TTC3: variants seen among roughly 807,000 people sequenced by gnomAD.
The protein encoded by TTC3 is tetratricopeptide repeat domain 3.
In TTC3, 180 loss-of-function variants were observed where a neutral mutation model predicts 249.6. The ratio of observed to expected loss-of-function variants is 0.72; its 90% CI spans 0.64 to 0.82. The LOEUF is 0.82. TTC3 is among the 40% of genes least tolerant of loss of function. The probability of loss-of-function intolerance (pLI) is 0.00; values close to 1 mark genes in which losing one functional copy is unlikely to be tolerated. For missense variants in TTC3, 2,061 were observed against 2,398.4 expected (o/e 0.86, Z 2.94); for synonymous variants, 717 against 805.0 (o/e 0.89, Z 1.85).
rs777220390 is a variant in TTC3 at position 37,197,712 on chromosome 21, G to A, written c.5706+16G>A. 15 of 1,567,302 alleles carry A rather than the reference G, an allele frequency of 9.6e-6. No homozygotes were observed. Among genetic ancestry groups the A allele is most frequent in the Non-Finnish European group, 2.6e-6 (3 of 1,154,306 alleles). ...AAAGAAAAAGGTATTTTATCTAGATGTTCCAGTTTATCCTTATTTATTTAT... is the reference window on the plus strand; with the variant it reads ...AAAGAAAAAGGTATTTTATCTAGATATTCCAGTTTATCCTTATTTATTTAT... On this transcript the variant is annotated intron_variant, in intron 43 of 45. Transcript: ENST00000355666.
At chr21:37,188,742 T>G in intron 39 of TTC3, 147 bp downstream of exon 39, 2 of 483,884 alleles carry the variant, frequency 4.1e-6, no homozygotes, top group Non-Finnish European at 7.2e-6. Flanking sequence ...AGTTAAGACA[T>G]ACAAACAAAA....
chr21:37,145,310 C>T (rs1004352453), intron 21 of TTC3, among the ~76,000 whole-genome samples: 1 of 152,112 alleles, frequency 6.6e-6, no homozygotes. Flanking sequence ...GACAAATAAT[C>T]TAAGAAGTAG....
intron 11 of TTC3, among the ~76,000 whole-genome samples, chr21:37,119,998 C>T (rs1250054891): frequency 6.6e-6 from 1 of 152,100 alleles, no homozygotes; most frequent in Non-Finnish European, 1.5e-5. Context: ...AGTCATGTGC[C>T]CACCTGTGGA....
intron 1 of TTC3, chr21:37,086,167 G>A (rs986922823): frequency 2.6e-5 from 4 of 152,208 alleles, no homozygotes; most frequent in Admixed American, 1.3e-4. Flanking sequence ...GACATCATGA[G>A]ATGGATTGAT....
intron 20 of TTC3, among the ~76,000 whole-genome samples, chr21:37,141,869 C>T (rs553413667): frequency 6.6e-5 from 10 of 152,180 alleles, no homozygotes; most frequent in Admixed American, 2.0e-4. Flanking sequence ...ACTGGCAAAC[C>T]GAATCCAGCA....
Position 37,091,527 on chromosome 21 carries a change from A to G in TTC3, c.601+114A>G, listed in dbSNP as rs541592976. 97 of 672,494 alleles carry G rather than the reference A, an allele frequency of 1.4e-4. No homozygotes were observed. The East Asian group carries it at 4.2e-3, about 29-fold the overall frequency. The allele number at this position is 672,494 out of a possible 1,614,324, so 41.7% of individuals were successfully genotyped here. On this transcript the variant is annotated intron_variant, in intron 7 of 45. Transcript: ENST00000355666. ...ATCTTAGAATTTAAAAAAAGTTTTT[A>G]TTTTGTTATATATGGCTGAAAAAGA...
intron 34 of TTC3, 46 bp from the exon 35 acceptor site, chr21:37,172,549 G>C: frequency 6.4e-7 from 1 of 1,566,354 alleles, no homozygotes; most frequent in Non-Finnish European, 8.6e-7. Flanking sequence ...TCATAAGTAG[G>C]CATTTTAAAT....
At chr21:37,113,426 C>T (rs916859118) in intron 11 of TTC3, among the ~76,000 whole-genome samples, 3 of 152,136 alleles carry the variant, frequency 2.0e-5, no homozygotes, top group Admixed American at 1.3e-4. Flanking sequence ...GAGTGAACTC[C>T]CATTCGCTAT....
chr21:37,161,932 C>T (rs57522570), intron 30 of TTC3, 58 bp from the exon 31 acceptor site: 1,233,629 of 1,233,634 alleles, frequency 1, 616,812 homozygotes, highest in Middle Eastern at 1. Flanking sequence ...AATGATTTTT[C>T]TCTTTAATGG....
exon 31 of TTC3, chr21:37,162,006 C>G (rs377155188): frequency 7.8e-5 from 124 of 1,590,504 alleles, no homozygotes; most frequent in Non-Finnish European, 1.1e-4. Flanking sequence ...TTAGTTGGGT[C>G]TGGAACAACT....
chr21:37,164,871 TCTC>T lies in TTC3; in HGVS notation c.3335+659_3335+661del, dbSNP rs144827348. ...GAGTATTAATTTAAAAGCCAACTCT[TCTC>T]CTGGAAGTCCTGTCAGTAGCATATC... On this transcript the variant is annotated intron_variant, in intron 32 of 45. Transcript: ENST00000355666. 7.7e-3 allele frequency among the ~76,000 whole-genome samples: 1,172 copies of T among 152,288 alleles called. 13 individuals are homozygous for T. Among genetic ancestry groups the T allele is most frequent in the Non-Finnish European group, 0.011 (778 of 68,012 alleles).
At chr21:37,180,107 C>A (rs916477948) in intron 35 of TTC3, among the ~76,000 whole-genome samples, 9 of 152,174 alleles carry the variant, frequency 5.9e-5, no homozygotes, top group South Asian at 2.1e-4. Context: ...TCTGCAGCAT[C>A]CTCTTCTTGA....
intron 45 of TTC3, 25 bp downstream of exon 45, chr21:37,200,349 T>C (rs1278301263): frequency 1.2e-6 from 2 of 1,605,558 alleles, no homozygotes; most frequent in Non-Finnish European, 1.7e-6. Flanking sequence ...TGGCCATCCT[T>C]ACAGCATGCA....
At chr21:37,192,061 A>G in intron 40 of TTC3, 51 bp from the exon 41 acceptor site, 1 of 1,148,004 alleles carries the variant, frequency 8.7e-7, no homozygotes. Context: ...GGAAGAAACA[A>G]AGTATTAATT....
At chr21:37,189,763 G>A (rs1388288742) in intron 39 of TTC3, among the ~76,000 whole-genome samples, 1 of 151,894 alleles carries the variant, frequency 6.6e-6, no homozygotes, top group Admixed American at 6.6e-5. Context: ...AGCCAGGGTG[G>A]TCTCAATCTC....
chr21:37,107,273 G>A (rs2147790020), intron 10 of TTC3, among the ~76,000 whole-genome samples: 1 of 152,290 alleles, frequency 6.6e-6, no homozygotes, highest in Middle Eastern at 3.4e-3. Context: ...GTACCCTGAG[G>A]AGATAGGAAC....
At chr21:37,159,522 T>C in intron 28 of TTC3, 177 bp from the exon 29 acceptor site, 1 of 601,836 alleles carries the variant, frequency 1.7e-6, no homozygotes, top group Non-Finnish European at 2.9e-6. Flanking sequence ...TGTAGTTGGT[T>C]TCCCGTTTAG....
At chr21:37,108,505 C>A in intron 11 of TTC3, 59 bp downstream of exon 11, 1 of 1,491,584 alleles carries the variant, frequency 6.7e-7, no homozygotes, top group Non-Finnish European at 9.2e-7. Context: ...TGTGAAAAAT[C>A]TGTTTATAGG....
At chr21:37,148,146 G>A (rs1197749460) in intron 22 of TTC3, among the ~76,000 whole-genome samples, 1 of 152,122 alleles carries the variant, frequency 6.6e-6, no homozygotes, top group African/African-American at 2.4e-5. Flanking sequence ...TCCTCTTCAA[G>A]CTACCTTAGG....
Sources: allele counts gnomAD v4.1 joint callset (sites outside exome capture counted in the v4.1 genomes callset), GRCh38; gene constraint gnomAD v4.1.1; transcripts MANE v1.5; gene names NCBI Gene and HGNC (gene_info 2026-07-23, HGNC 2026-07-21).